NCAM2: variants seen among roughly 807,000 people sequenced by gnomAD.
The protein encoded by NCAM2 is N-CAM-2.
NCAM2 carries 30 observed loss-of-function variants against 98.1 expected under a neutral mutation model. That is an observed-to-expected ratio of 0.31 (90% confidence interval 0.23 to 0.41). The LOEUF (loss-of-function observed/expected upper bound fraction) is 0.41. Among genes scored for constraint, NCAM2 ranks in the 10% least tolerant of loss-of-function variants. The pLI, the probability that NCAM2 is intolerant of heterozygous loss-of-function variation, is 1.00. For synonymous variants in NCAM2, 368 were observed against 342.4 expected, an observed-to-expected ratio of 1.07 and a Z score of -0.83; for missense variants, 867 against 1,005.8, an observed-to-expected ratio of 0.86 and a Z score of 1.87.
chr21:21,049,661 C>T (rs1053728349), intron 1 of NCAM2, among the ~76,000 whole-genome samples: 2 of 152,004 alleles, frequency 1.3e-5, no homozygotes, highest in Non-Finnish European at 2.9e-5. Flanking sequence ...TACCTGAGGT[C>T]AGGAGTTCAA....
At chr21:21,152,386 A>C (rs2067473112) in intron 1 of NCAM2, among the ~76,000 whole-genome samples, 1 of 149,688 alleles carries the variant, frequency 6.7e-6, no homozygotes, top group South Asian at 2.1e-4. Context: ...CTGTGGATAT[A>C]TTTTCTCCTG....
intron 14 of NCAM2, among the ~76,000 whole-genome samples, chr21:21,469,750 A>G (rs1984188565): frequency 6.6e-6 from 1 of 152,040 alleles, no homozygotes; most frequent in Non-Finnish European, 1.5e-5. Context: ...TTGATTTTGA[A>G]TGGCATATTT....
intron 5 of NCAM2, among the ~76,000 whole-genome samples, chr21:21,313,498 A>G (rs973364971): frequency 1.1e-4 from 16 of 151,868 alleles, no homozygotes; most frequent in African/African-American, 3.4e-4. Flanking sequence ...ACATTTTCTG[A>G]TATTGACATA....
At chr21:21,363,294 A>G (rs1292815379) in intron 8 of NCAM2, among the ~76,000 whole-genome samples, 1 of 152,094 alleles carries the variant, frequency 6.6e-6, no homozygotes, top group Non-Finnish European at 1.5e-5. Context: ...ACCTCTTTCT[A>G]TGTTACTGGA....
chr21:21,256,958 G>GATA (rs2071697006), intron 1 of NCAM2, among the ~76,000 whole-genome samples: 1 of 152,188 alleles, frequency 6.6e-6, no homozygotes, highest in African/African-American at 2.4e-5. Context: ...TCTCTGATGA[G>GATA]ATAATTGAGT....
intron 15 of NCAM2, among the ~76,000 whole-genome samples, chr21:21,488,312 C>A (rs1602484396): frequency 1.3e-5 from 2 of 151,970 alleles, no homozygotes; most frequent in East Asian, 3.9e-4. Flanking sequence ...TGTAAGAATA[C>A]TCATTCATTA....
intron 1 of NCAM2, among the ~76,000 whole-genome samples, chr21:21,136,602 T>C (rs8133183): frequency 0.41 from 62,443 of 150,480 alleles, 13,532 homozygotes; most frequent in African/African-American, 0.54. Context: ...GCTGGGATTA[T>C]AGGTGCAGGC....
At chr21:21,084,647 A>G (rs1569005764) in intron 1 of NCAM2, among the ~76,000 whole-genome samples, 1 of 152,132 alleles carries the variant, frequency 6.6e-6, no homozygotes, top group Non-Finnish European at 1.5e-5. Flanking sequence ...ATTCACTTTC[A>G]TTTTTGCATG....
In NCAM2 at chr21:21,448,538, G is replaced by A. The variant is rs539234667; in HGVS notation, c.1654+16257G>A. Reference sequence around the variant, plus strand: ...AATAAATAAATAAATAAATAAATAAGTAAAATAATCAGTATTTGGTCTTAG... The same window carrying A: ...AATAAATAAATAAATAAATAAATAAATAAAATAATCAGTATTTGGTCTTAG... On this transcript the variant is annotated intron_variant, in intron 12 of 17. Transcript: ENST00000400546. 6.0e-5 allele frequency among the ~76,000 whole-genome samples: 9 copies of A among 150,804 alleles called. No homozygotes were observed. In the East Asian group the frequency reaches 8.0e-4, roughly 13 times the overall value.
At chr21:21,380,301 T>C (rs2148083805) in intron 9 of NCAM2, among the ~76,000 whole-genome samples, 1 of 152,304 alleles carries the variant, frequency 6.6e-6, no homozygotes, top group East Asian at 1.9e-4. Flanking sequence ...ACCATGACTG[T>C]GAACTATTTT....
At chr21:21,058,509 A>G (rs1215021832) in intron 1 of NCAM2, among the ~76,000 whole-genome samples, 1 of 152,144 alleles carries the variant, frequency 6.6e-6, no homozygotes, top group Non-Finnish European at 1.5e-5. Context: ...AGGAAAAATA[A>G]AAAGAAACAT....
chr21:21,081,706 TAGG>T (rs1022678910), intron 1 of NCAM2, among the ~76,000 whole-genome samples: 2 of 151,232 alleles, frequency 1.3e-5, no homozygotes, highest in African/African-American at 2.4e-5. Context: ...GAGGCTGAAG[TAGG>T]AGAATTGCTT....
In NCAM2 at chr21:21,540,613, CAT is replaced by C. The variant is rs1332078873; in HGVS notation, c.*2660_*2661del. ...TCATTCTTATTCTAGATTAAACAAA[CAT>C]ATACATATAACCATATAAATGTTAT... is the stretch of plus-strand genomic sequence containing the variant. On this transcript the variant is annotated 3_prime_UTR_variant, in exon 18 of 18. Transcript: ENST00000400546. 1 of 151,866 alleles carries C rather than the reference CAT, an allele frequency of 6.6e-6. No homozygotes were observed. The highest frequency in any genetic ancestry group is 1.5e-5 in the Non-Finnish European group (1 of 67,946). 9.4% of individuals were successfully genotyped at this position (151,866 alleles called of 1,614,324 possible). A position where few individuals can be genotyped will look rare whatever the true frequency, so the allele number is the denominator to read the frequency against.
At chr21:21,362,628 C>A (rs2075677425) in intron 8 of NCAM2, among the ~76,000 whole-genome samples, 1 of 152,110 alleles carries the variant, frequency 6.6e-6, no homozygotes. Context: ...TAGGGCATTG[C>A]AAACTCTTCA....
chr21:21,055,796 T>A (rs180735488), intron 1 of NCAM2, among the ~76,000 whole-genome samples: 2 of 152,164 alleles, frequency 1.3e-5, no homozygotes, highest in African/African-American at 2.4e-5. Flanking sequence ...ATTTGTAAAA[T>A]CAGTAATAAT....
At chr21:21,019,418 G>C (rs1479897221) in intron 1 of NCAM2, among the ~76,000 whole-genome samples, 2 of 152,152 alleles carry the variant, frequency 1.3e-5, no homozygotes, top group South Asian at 2.1e-4. Flanking sequence ...CGGAGTTTGA[G>C]ATCTGGCAGA....
Position 21,110,094 on chromosome 21 carries a change from A to G in NCAM2, c.55+111476A>G, listed in dbSNP as rs112891494. 1.5e-3 allele frequency among the ~76,000 whole-genome samples: 232 copies of G among 152,336 alleles called. 3 individuals are homozygous for G. Among genetic ancestry groups the G allele is most frequent in the African/African-American group, 5.3e-3 (222 of 41,590 alleles). ...TGGGATTACAAAGAAGGAAACACTAAAAGCCGGGGTGATGAGTCCAAAGCA... is the reference window on the plus strand; with the variant it reads ...TGGGATTACAAAGAAGGAAACACTAGAAGCCGGGGTGATGAGTCCAAAGCA... On this transcript the variant is annotated intron_variant, in intron 1 of 17. Coordinates refer to ENST00000400546, the MANE Select transcript of NCAM2 (RefSeq NM_004540.5).
chr21:21,375,470 T>TA (rs1181142187), intron 9 of NCAM2, among the ~76,000 whole-genome samples: 2 of 151,650 alleles, frequency 1.3e-5, no homozygotes, highest in Non-Finnish European at 3.0e-5. Flanking sequence ...TCACACTTTC[T>TA]AAAAAAATAA....
rs1188087142 is a variant in NCAM2 at position 21,438,189 on chromosome 21, A to AAT, written c.1654+5915_1654+5916dup. 3.9e-5 allele frequency among the ~76,000 whole-genome samples: 6 copies of AAT among 151,978 alleles called. No individual in the cohort carries two copies. In the East Asian group the frequency reaches 1.2e-3, roughly 29 times the overall value. ...GTTTAGTTACTTTTCCTTGGTAGTAAATATATATGATTTTGAATACACTTA... is the reference window on the plus strand; with the variant it reads ...GTTTAGTTACTTTTCCTTGGTAGTAAATATATATATGATTTTGAATACACTTA... On this transcript the variant is annotated intron_variant, in intron 12 of 17. Transcript: ENST00000400546.
Sources: gnomAD v4.1 joint callset for allele counts (sites outside exome capture counted in the v4.1 genomes callset) on GRCh38, gnomAD v4.1.1 for gene constraint, MANE v1.5 for transcripts, NCBI Gene and HGNC (gene_info 2026-07-23, HGNC 2026-07-21) for gene names.